FOCAD: variants seen among roughly 807,000 people sequenced by gnomAD.
The protein encoded by FOCAD is focadhesin, also known as KIAA1797.
Under a neutral mutation model 225.6 loss-of-function variants are expected in FOCAD, and 198 were observed. The ratio of observed to expected loss-of-function variants is 0.88; its 90% CI spans 0.78 to 0.99. The LOEUF (loss-of-function observed/expected upper bound fraction) is 0.99. Ranked by LOEUF, FOCAD falls within the 50% of genes least tolerant of loss-of-function variation. The pLI, the probability that FOCAD is intolerant of heterozygous loss-of-function variation, is 0.00. For synonymous variants in FOCAD, 897 were observed against 755.0 expected (o/e 1.19, Z -3.08); for missense variants, 2,713 against 2,123.6 (o/e 1.28, Z -5.46).
chr9:20,789,684 G>A, intron 11 of FOCAD, 76 bp downstream of exon 11: 1 of 1,539,092 alleles, frequency 6.5e-7, no homozygotes, highest in Non-Finnish European at 8.8e-7. Context: ...CCTGCTTTGT[G>A]GATTATTTGC....
chr9:20,784,979 G>A (rs1366341001), intron 10 of FOCAD, among the ~76,000 whole-genome samples: 1 of 151,538 alleles, frequency 6.6e-6, no homozygotes, highest in Non-Finnish European at 1.5e-5. Flanking sequence ...ACTAGTGACT[G>A]AATCTGTGTG....
chr9:20,662,765 A>T (rs546639490), intron 2 of FOCAD, among the ~76,000 whole-genome samples: 7 of 152,176 alleles, frequency 4.6e-5, no homozygotes, highest in Non-Finnish European at 7.4e-5. Context: ...TTTATCCCTG[A>T]TAAACGTCTT....
chr9:20,924,528 T>C lies in FOCAD; in HGVS notation c.2961+760T>C, dbSNP rs570041829. Among the ~76,000 whole-genome samples, 22 of 152,324 alleles carry C rather than the reference T, an allele frequency of 1.4e-4. 1 individual carries two copies. The South Asian group carries it at 4.1e-3, about 29-fold the overall frequency. On this transcript the variant is annotated intron_variant, in intron 25 of 43. Transcript: ENST00000338382. Reference sequence around the variant, plus strand: ...GTTCGAAGGATTAAATGAATTAATATATGTGAAGCACAACAGCTCATAGAT... The same window carrying C: ...GTTCGAAGGATTAAATGAATTAATACATGTGAAGCACAACAGCTCATAGAT...
intron 9 of FOCAD, 107 bp downstream of exon 9, chr9:20,778,875 C>A (rs1369075629): frequency 5.1e-5 from 27 of 532,264 alleles, no homozygotes; most frequent in Non-Finnish European, 7.9e-5. Context: ...GAGTTTCCAT[C>A]TGTAATTTTT....
chr9:20,938,667 C>G (rs889291702), intron 28 of FOCAD, among the ~76,000 whole-genome samples: 1 of 151,888 alleles, frequency 6.6e-6, no homozygotes, highest in Admixed American at 6.6e-5. Flanking sequence ...CAATATGGCA[C>G]CTGTATACAT....
intron 11 of FOCAD, among the ~76,000 whole-genome samples, chr9:20,793,845 C>T (rs777099309): frequency 6.6e-6 from 1 of 152,100 alleles, no homozygotes; most frequent in Non-Finnish European, 1.5e-5. Context: ...GAATTTTGCT[C>T]AAGGGAAAAT....
At chr9:20,857,954 G>A (rs920857693) in intron 15 of FOCAD, among the ~76,000 whole-genome samples, 13 of 151,818 alleles carry the variant, frequency 8.6e-5, no homozygotes, top group African/African-American at 2.4e-4. Flanking sequence ...ACTTGATCAC[G>A]AGAAACAATC....
At chr9:20,758,631 T>C (rs1459449941) in intron 6 of FOCAD, among the ~76,000 whole-genome samples, 1 of 151,914 alleles carries the variant, frequency 6.6e-6, no homozygotes, top group Non-Finnish European at 1.5e-5. Flanking sequence ...TTTTTTGTTC[T>C]TGTGATAGTT....
At chr9:20,830,872 A>G (rs1825415847) in intron 15 of FOCAD, among the ~76,000 whole-genome samples, 2 of 152,070 alleles carry the variant, frequency 1.3e-5, no homozygotes, top group African/African-American at 2.4e-5. Context: ...ACAGAGTCTC[A>G]CTATGTTGAC....
rs1839397597 is a variant in FOCAD, at chr9:20,967,778, A to G, written c.4133-8642A>G. Among the ~76,000 whole-genome samples the G allele has an allele frequency of 2.0e-5, 3 of 151,940 alleles. No individual in the cohort carries two copies. In the South Asian group the frequency reaches 6.2e-4, roughly 31 times the overall value. On this transcript the variant is annotated intron_variant, in intron 35 of 43. Transcript: ENST00000338382. ...ATTATTAATGTTATATATTACCCTG[A>G]TTGATTTTCTTATGTTGAACAAACT...
rs528837576 is a variant in FOCAD, at chr9:20,872,313, A to G, written c.2191-2368A>G. Among the ~76,000 whole-genome samples, 7 of 152,252 alleles carry G rather than the reference A, an allele frequency of 4.6e-5. No homozygotes were observed. In the South Asian group the frequency reaches 1.0e-3, roughly 23 times the overall value. On this transcript the variant is annotated intron_variant, in intron 18 of 43. Transcript: ENST00000338382. The stretch of plus-strand genomic sequence containing the variant: ...TGATGACCCAGGTGCAGTGACTTGT[A>G]TTAAGTAATTAGGTTGACTGCACAG...
At chr9:20,681,089 G>C (rs989654915), upstream of FOCAD, among the ~76,000 whole-genome samples, 1 of 152,194 alleles carries the variant, frequency 6.6e-6, no homozygotes, top group Non-Finnish European at 1.5e-5. Context: ...AAGAATTGAA[G>C]ATGAACCTGT....
intron 29 of FOCAD, among the ~76,000 whole-genome samples, chr9:20,946,475 C>G (rs1274477876): frequency 6.6e-6 from 1 of 152,146 alleles, no homozygotes; most frequent in African/African-American, 2.4e-5. Flanking sequence ...TGAAATTGAG[C>G]TTCAAAGTTC....
At chr9:20,826,463 C>T (rs1002594766) in intron 15 of FOCAD, among the ~76,000 whole-genome samples, 5 of 152,050 alleles carry the variant, frequency 3.3e-5, no homozygotes, top group Non-Finnish European at 5.9e-5. Flanking sequence ...GCTACACTGT[C>T]GGCTTCCCTA....
intron 2 of FOCAD, among the ~76,000 whole-genome samples, chr9:20,675,553 A>G (rs1309297498): frequency 6.6e-6 from 1 of 152,236 alleles, no homozygotes; most frequent in Non-Finnish European, 1.5e-5. Flanking sequence ...GTGAAAATTT[A>G]CAATGGAAAA....
chr9:20,933,018 A>G lies in FOCAD; in HGVS notation c.3322A>G (p.Ile1108Val), dbSNP rs747254274. The G allele has an allele frequency of 1.4e-5, 22 of 1,612,502 alleles. No homozygotes were observed. Among genetic ancestry groups the G allele is most frequent in the South Asian group, 7.7e-5 (7 of 91,056 alleles). Residue 1108 changes from isoleucine to valine, a missense_variant, in exon 28 of 44, where the codon ATA (isoleucine) becomes GTA (valine). By Grantham distance (29) the Ile-to-Val change is conservative. Coordinates refer to ENST00000338382, the MANE Select transcript of FOCAD (RefSeq NM_001375567.1). The part of the protein sequence containing the change: ...SRLCEEKLSD[I>V]SGQEMNLLLM... ...TTCCCCTTGATCTTTAACCAGTGAT[A>G]TATCTGGCCAAGAGATGAACCTTCT...
intron 3 of FOCAD, 138 bp downstream of exon 3, chr9:20,718,006 TTTTG>T (rs1232122347): frequency 4.2e-5 from 25 of 600,612 alleles, no homozygotes; most frequent in South Asian, 1.1e-4. Flanking sequence ...TCATTGCCTT[TTTTG>T]TTTATTTGTT....
At chr9:20,763,353 G>T (rs1408857408) in intron 6 of FOCAD, among the ~76,000 whole-genome samples, 1 of 152,182 alleles carries the variant, frequency 6.6e-6, no homozygotes, top group South Asian at 2.1e-4. Context: ...CTACTTGGGA[G>T]ACTGAGGCAG....
intron 5 of FOCAD, among the ~76,000 whole-genome samples, chr9:20,750,378 G>T (rs113992261): frequency 0.016 from 2,442 of 152,210 alleles, 57 homozygotes; most frequent in African/African-American, 0.056. Context: ...AATCATAATT[G>T]TACCCACTTA....
Sources: gnomAD v4.1 joint callset for allele counts (sites outside exome capture counted in the v4.1 genomes callset) on GRCh38, gnomAD v4.1.1 for gene constraint, MANE v1.5 for transcripts, NCBI Gene and HGNC (gene_info 2026-07-23, HGNC 2026-07-21) for gene names.